Variants in PPL observed in about 807,000 individuals in gnomAD.
PPL encodes the protein 190 kDa paraneoplastic pemphigus antigen.
PPL carries 198 observed loss-of-function variants against 194.4 expected under a neutral mutation model. That is an observed-to-expected ratio of 1.02 (90% CI 0.91 to 1.15). The LOEUF (loss-of-function observed/expected upper bound fraction) is 1.15, where lower values mean the gene tolerates loss of function less well. PPL is among the 50% of genes most tolerant of loss of function. The pLI is 0.00. For missense variants in PPL, 2,885 were observed against 2,294.8 expected, an observed-to-expected ratio of 1.26 and a Z score of -5.25; for synonymous variants, 1,220 against 972.4, an observed-to-expected ratio of 1.25 and a Z score of -4.74.
intron 17 of PPL, 142 bp downstream of exon 17, chr16:4,890,585 GA>G (rs1399189779): frequency 9.0e-7 from 1 of 1,115,690 alleles, no homozygotes; most frequent in African/African-American, 1.6e-5. Context: ...TCAAAAGAGA[GA>G]CCACAGGGCC....
At chr16:4,896,760 C>T (rs1459910599) in intron 9 of PPL, among the ~76,000 whole-genome samples, 1 of 151,818 alleles carries the variant, frequency 6.6e-6, no homozygotes, top group Non-Finnish European at 1.5e-5. Context: ...CTGCCTCAGC[C>T]TCCCATCTGG....
chr16:4,889,304 G>C (rs562464198), intron 18 of PPL, among the ~76,000 whole-genome samples: 2 of 133,218 alleles, frequency 1.5e-5, no homozygotes, highest in African/African-American at 5.8e-5. Context: ...GCCCAGGCTG[G>C]AGTACAGTGG....
At position 4,894,479 on chromosome 16, in the gene PPL, G is replaced by T; in HGVS notation, c.1382C>A (p.Ala461Asp). ...TTTGCCCTTGTACCTGTCAGCCAGA[G>T]CCAGGGCCTCAGGGTCTGTGGGGGG... ...VIPPTDPEAL[A>D]LADSLGSQYR... The change falls in exon 12 of 22, where the codon GCT becomes GAT. Residue 461 changes from alanine to aspartate, a missense_variant. Ala to Asp is a moderately radical substitution (Grantham distance 126). Transcript: ENST00000345988. 6.2e-7 allele frequency: 1 copy of T among 1,613,864 alleles called. No homozygotes were observed. The highest frequency in any genetic ancestry group is 2.2e-5 in the East Asian group (1 of 44,884).
chr16:4,936,886 C>A, intron 1 of PPL, 98 bp downstream of exon 1: 1 of 1,253,830 alleles, frequency 8.0e-7, no homozygotes, highest in South Asian at 1.4e-5. Context: ...CCTGGACCCC[C>A]GTACCCCCCA....
In PPL at chr16:4,883,916, C is replaced by T. The variant is rs202076806; in HGVS notation, c.4739G>A (p.Arg1580Gln). 1.2e-4 allele frequency: 187 copies of T among 1,613,830 alleles called. No homozygotes were observed. The highest frequency in any genetic ancestry group is 1.4e-4 in the Non-Finnish European group (169 of 1,180,022). ...CATGTTGATTTCCGATTGGAGCCTTCGGGTCTCCAGCTGCAGGTTTTGCCT... is the reference window on the plus strand; with the variant it reads ...CATGTTGATTTCCGATTGGAGCCTTTGGGTCTCCAGCTGCAGGTTTTGCCT... ...LERQNLQLETRRLQSEINMAA... is the reference protein window; with the variant it reads ...LERQNLQLETQRLQSEINMAA... Residue 1580 changes from arginine to glutamine, a missense_variant, in exon 22 of 22, where the codon CGA (arginine) becomes CAA (glutamine). Physicochemically the swap from Arg to Gln is conservative, Grantham distance 43. Transcript: ENST00000345988. The surrounding 1 kb of genome is among the most constrained non-coding windows in gnomAD (Gnocchi z 4.8).
rs760433061 is a variant in PPL at position 4,883,362 on chromosome 16, C to G, written c.*22G>C. On this transcript the variant is annotated 3_prime_UTR_variant, in exon 22 of 22. Coordinates refer to ENST00000345988, the MANE Select transcript of PPL (RefSeq NM_002705.5). The surrounding 1 kb of genome is among the most constrained non-coding windows in gnomAD (Gnocchi z 4.8). ...AGGAGAGGGCCAGCGTCTGCCGTTA[C>G]GAAGAGTTGCAAGAGCTGTGCCTAC... is the stretch of plus-strand genomic sequence containing the variant. The G allele has an allele frequency of 3.7e-6, 6 of 1,612,812 alleles. No homozygotes were observed. Among genetic ancestry groups the G allele is most frequent in the Middle Eastern group, 1.7e-4 (1 of 5,740 alleles).
intron 18 of PPL, among the ~76,000 whole-genome samples, chr16:4,889,678 C>T (rs1350788062): frequency 6.6e-6 from 1 of 152,152 alleles, no homozygotes; most frequent in Non-Finnish European, 1.5e-5. Context: ...TAGATTATCT[C>T]ATTTAATCTT....
chr16:4,917,934 T>G lies in PPL; in HGVS notation c.63-6985A>C, dbSNP rs115407777. 3.0e-3 allele frequency among the ~76,000 whole-genome samples: 448 copies of G among 150,366 alleles called. 2 individuals are homozygous for G. Among genetic ancestry groups the G allele is most frequent in the African/African-American group, 0.011 (430 of 40,808 alleles). ...AAAACAAAAACACTGAACTGAACACTTTAAATGAGTGAACTGGATGATATA... is the reference window on the plus strand; with the variant it reads ...AAAACAAAAACACTGAACTGAACACGTTAAATGAGTGAACTGGATGATATA... On this transcript the variant is annotated intron_variant, in intron 1 of 21. Coordinates refer to ENST00000345988, the MANE Select transcript of PPL (RefSeq NM_002705.5).
At position 4,894,420 on chromosome 16, in the gene PPL, CT is replaced by C. The variant is rs1364507098; in HGVS notation, c.1394+46del. On this transcript the variant is annotated intron_variant, in intron 12 of 21. Transcript: ENST00000345988. ...GGCTATGAATGGGGCCTGAGAAGCC[CT>C]GGGGGTGGGACTGGTCCATGCAGAC... The C allele has an allele frequency of 3.7e-6, 6 of 1,600,220 alleles. No individual in the cohort carries two copies. In the African/African-American group the frequency reaches 8.0e-5, roughly 21 times the overall value.
At chr16:4,894,326 T>C (rs2088377227) in intron 12 of PPL, 141 bp downstream of exon 12, 2 of 1,081,750 alleles carry the variant, frequency 1.8e-6, no homozygotes, top group Non-Finnish European at 2.6e-6. Flanking sequence ...CTGCATGAAC[T>C]TCCAAGGGGG....
chr16:4,934,136 C>A (rs1012750803), intron 1 of PPL, among the ~76,000 whole-genome samples: 2 of 152,210 alleles, frequency 1.3e-5, no homozygotes, highest in African/African-American at 4.8e-5. Context: ...TGTCCTCGGT[C>A]ACCTGCACCA....
At position 4,885,802 on chromosome 16, in the gene PPL, C is replaced by G; in HGVS notation, c.2853G>C (p.Gln951His). 6.2e-7 allele frequency: 1 copy of G among 1,609,182 alleles called. No individual in the cohort carries two copies. Among genetic ancestry groups the G allele is most frequent in the Non-Finnish European group, 8.5e-7 (1 of 1,179,998 alleles). ...CCTCTGCCAGCGTCCGCTGCAGCTG[C>G]TGGAAGCTCTCCTCCAGCACGGGAT... The part of the protein sequence containing the change: ...VPDPVLEESF[Q>H]QLQRTLAEEQ... Residue 951 changes from glutamine to histidine, a missense_variant, in exon 22 of 22, where the codon CAG becomes CAC. Physicochemically the swap from Gln to His is conservative, Grantham distance 24 (BLOSUM62 0). Coordinates refer to ENST00000345988, the MANE Select transcript of PPL (RefSeq NM_002705.5). This position sits in a 1 kb window ranked among gnomAD's most constrained non-coding sequence, Gnocchi z 6.3.
At chr16:4,924,554 C>T (rs1311536611) in intron 1 of PPL, among the ~76,000 whole-genome samples, 2 of 152,196 alleles carry the variant, frequency 1.3e-5, no homozygotes, top group East Asian at 1.9e-4. Flanking sequence ...TCTCTTTGAA[C>T]CCCGTGACTC....
intron 1 of PPL, among the ~76,000 whole-genome samples, chr16:4,925,267 G>A (rs577890456): frequency 2.2e-4 from 33 of 152,310 alleles, no homozygotes; most frequent in African/African-American, 5.1e-4. Flanking sequence ...GTGCACCTCC[G>A]GTGCCGAGTA....
chr16:4,936,063 G>C (rs1479894595), intron 1 of PPL, among the ~76,000 whole-genome samples: 1 of 152,152 alleles, frequency 6.6e-6, no homozygotes, highest in Non-Finnish European at 1.5e-5. Flanking sequence ...TCTCCACCAG[G>C]CTCCCCTAAA....
chr16:4,915,713 A>T (rs2088903566), intron 1 of PPL, among the ~76,000 whole-genome samples: 1 of 152,162 alleles, frequency 6.6e-6, no homozygotes, highest in African/African-American at 2.4e-5. Context: ...ATGAGCTAAT[A>T]CTTACTCTCT....
In PPL at chr16:4,885,957, C is replaced by G. The variant is rs751859543; in HGVS notation, c.2698G>C (p.Asp900His). 6.2e-7 allele frequency: 1 copy of G among 1,613,550 alleles called. No individual in the cohort carries two copies. Among genetic ancestry groups the G allele is most frequent in the African/African-American group, 1.3e-5 (1 of 74,900 alleles). ...TGCCGCCTCCGCTCAGTCTCCTCAT[C>G]CAGTTCCTTCCTGATCTTCCACGCC... ...EEAWKIRKEL[D>H]EETERRRQLE... Residue 900 changes from aspartate to histidine, a missense_variant, in exon 22 of 22, where the codon GAT becomes CAT. Coordinates refer to ENST00000345988, the MANE Select transcript of PPL (RefSeq NM_002705.5). This position sits in a 1 kb window ranked among gnomAD's most constrained non-coding sequence, Gnocchi z 6.3.
In PPL at chr16:4,887,246, G is replaced by C; in HGVS notation, c.2515-19C>G. 4 of 1,593,992 alleles carry C rather than the reference G, an allele frequency of 2.5e-6. No homozygotes were observed. The highest frequency in any genetic ancestry group is 2.6e-6 in the Non-Finnish European group (3 of 1,161,972). ...CTGCTTCCTGCAGAGAAGAGGATTA[G>C]GAGAGCGGTCAACAAACAGGTGTCA... On this transcript the variant is annotated intron_variant, in intron 20 of 21. Transcript: ENST00000345988.
Position 4,900,814 on chromosome 16 carries a change from C to G in PPL, c.606+16G>C. ...CTCCTCTCCCCATGAGGCCTTTCCC[C>G]CAGGGAGCTCCTCACCAGCAGTTTC... On this transcript the variant is annotated intron_variant, in intron 6 of 21. Transcript: ENST00000345988. 1.2e-6 allele frequency: 2 copies of G among 1,614,140 alleles called. No homozygotes were observed. Among genetic ancestry groups the G allele is most frequent in the Non-Finnish European group, 1.7e-6 (2 of 1,180,014 alleles).
Sources: allele counts gnomAD v4.1 joint callset (sites outside exome capture counted in the v4.1 genomes callset), GRCh38; gene constraint gnomAD v4.1.1; non-coding constraint Gnocchi (gnomAD v3.1); transcripts MANE v1.5; gene names NCBI Gene and HGNC (gene_info 2026-07-23, HGNC 2026-07-21).